Variants in STRN observed in about 807,000 individuals in gnomAD.
STRN encodes striatin, also known as protein phosphatase 2 regulatory subunit B'''alpha.
In STRN, 53 loss-of-function variants were observed where a neutral mutation model predicts 96.3. The observed-to-expected ratio is 0.55, with a 90% CI of 0.44 to 0.69. The LOEUF is 0.69. STRN is among the 30% of genes least tolerant of loss of function. The pLI, the probability that STRN is intolerant of heterozygous loss-of-function variation, is 0.00. For missense variants in STRN, 987 were observed against 963.9 expected (o/e 1.02, Z -0.32); for synonymous variants, 428 against 355.9 (o/e 1.20, Z -2.28).
intron 12 of STRN, among the ~76,000 whole-genome samples, chr2:36,866,480 T>C (rs1668629407): frequency 6.6e-6 from 1 of 152,228 alleles, no homozygotes; most frequent in Admixed American, 6.5e-5. Context: ...TTTTAGAATA[T>C]GTGCCATGTA....
chr2:36,944,117 T>C (rs1045755666), intron 1 of STRN, among the ~76,000 whole-genome samples: 1 of 151,960 alleles, frequency 6.6e-6, no homozygotes, highest in Non-Finnish European at 1.5e-5. Flanking sequence ...TGAAACGCTA[T>C]CTCAAAAAAA....
At chr2:36,877,190 C>T (rs952530727) in intron 10 of STRN, among the ~76,000 whole-genome samples, 3 of 152,214 alleles carry the variant, frequency 2.0e-5, no homozygotes, top group Non-Finnish European at 2.9e-5. Context: ...ATGCCTACTA[C>T]TAATTAAAAT....
At chr2:36,872,699 G>C (rs1668793239) in intron 10 of STRN, among the ~76,000 whole-genome samples, 1 of 152,174 alleles carries the variant, frequency 6.6e-6, no homozygotes, top group Non-Finnish European at 1.5e-5. Flanking sequence ...TATCTGGAGA[G>C]AGGACTAAGT....
intron 13 of STRN, among the ~76,000 whole-genome samples, chr2:36,858,778 C>G (rs961510626): frequency 5.3e-5 from 8 of 152,202 alleles, no homozygotes; most frequent in African/African-American, 1.9e-4. Context: ...TGAAGACACA[C>G]TGTGTGTCAG....
chr2:36,897,163 G>GCCGGGA (rs1669563059), intron 6 of STRN, among the ~76,000 whole-genome samples: 1 of 149,592 alleles, frequency 6.7e-6, no homozygotes, highest in African/African-American at 2.5e-5. Context: ...GTGAAACTCC[G>GCCGGGA]TCTCAAAAAA....
chr2:36,924,264 G>C (rs551917080), intron 2 of STRN, among the ~76,000 whole-genome samples: 1 of 150,946 alleles, frequency 6.6e-6, no homozygotes, highest in Non-Finnish European at 1.5e-5. Flanking sequence ...GCTGAGGCAG[G>C]AGAATGGTGT....
intron 11 of STRN, 122 bp from the exon 12 acceptor site, chr2:36,867,983 G>T: frequency 3.4e-6 from 2 of 589,284 alleles, no homozygotes; most frequent in Non-Finnish European, 2.7e-6. Flanking sequence ...TCAACTACAC[G>T]ATACGTAAGA....
chr2:36,870,316 A>G (rs185875137), intron 10 of STRN, among the ~76,000 whole-genome samples: 131 of 150,532 alleles, frequency 8.7e-4, no homozygotes, highest in African/African-American at 2.9e-3. Context: ...AAAAAGCACT[A>G]TTTTTTCATT....
Position 36,862,797 on chromosome 2 carries a change from C to T in STRN, c.1548-1544G>A, listed in dbSNP as rs551875322. On this transcript the variant is annotated intron_variant, in intron 12 of 17. Coordinates refer to ENST00000263918, the MANE Select transcript of STRN (RefSeq NM_003162.4). Reference sequence around the variant, plus strand: ...TCACCCAGGCTGGAGTGCAGTGGCGCGATCTTGGCTCACTGCAAGCTCTGC... The same window carrying T: ...TCACCCAGGCTGGAGTGCAGTGGCGTGATCTTGGCTCACTGCAAGCTCTGC... Among the ~76,000 whole-genome samples the T allele has an allele frequency of 3.5e-3, 527 of 151,570 alleles. 3 individuals are homozygous for T. Among genetic ancestry groups the T allele is most frequent in the Admixed American group, 6.3e-3 (96 of 15,224 alleles).
At position 36,855,313 on chromosome 2, in the gene STRN, T is replaced by TCACTGCTCACTAGATC; in HGVS notation, c.1861_1876dup (p.Asp626GlyfsTer6). 1 of 1,613,762 alleles carries TCACTGCTCACTAGATC rather than the reference T, an allele frequency of 6.2e-7. No homozygotes were observed. The highest frequency in any genetic ancestry group is 1.3e-5 in the African/African-American group (1 of 75,004). ...GAATGATGCTACCATATGGCTCGGG[T>TCACTGCTCACTAGATC]CACTGCTCACTAGATCCACAGAGGC... On this transcript the variant is annotated stop_gained and frameshift_variant, in exon 15 of 18. Transcript: ENST00000263918. LOFTEE classifies it high-confidence loss of function.
intron 1 of STRN, among the ~76,000 whole-genome samples, chr2:36,928,826 G>A (rs1312510359): frequency 1.3e-5 from 2 of 150,558 alleles, no homozygotes; most frequent in Admixed American, 1.3e-4. Context: ...GCAGGTGCCT[G>A]TAATCCCAGC....
intron 1 of STRN, among the ~76,000 whole-genome samples, chr2:36,935,098 A>C (rs1416454732): frequency 1.3e-5 from 2 of 152,186 alleles, no homozygotes; most frequent in Non-Finnish European, 2.9e-5. Context: ...AACGAAACTC[A>C]TAATTTTATA....
At chr2:36,869,195 T>C (rs918878055) in intron 11 of STRN, among the ~76,000 whole-genome samples, 1 of 152,068 alleles carries the variant, frequency 6.6e-6, no homozygotes, top group Non-Finnish European at 1.5e-5. Context: ...AAGGTGGAGG[T>C]GGACATTTGA....
At chr2:36,858,166 G>T in intron 13 of STRN, 143 bp from the exon 14 acceptor site, 2 of 551,706 alleles carry the variant, frequency 3.6e-6, no homozygotes, top group Non-Finnish European at 2.8e-6. Flanking sequence ...CTTCTGACAG[G>T]CTACAGTAAA....
chr2:36,948,081 CTTTTTTTTTTTTTTTTTTTTTTTTT>C (rs553351693), intron 1 of STRN, among the ~76,000 whole-genome samples: 1 of 68,138 alleles, frequency 1.5e-5, no homozygotes, highest in East Asian at 4.5e-4. Flanking sequence ...TCAGTGCACT[CTTTTTTTTTTTTTTTTTTTTTTTTT>C]TTTTTTTTTT....
At chr2:36,961,721 TA>T (rs1474145375) in intron 1 of STRN, among the ~76,000 whole-genome samples, 2 of 152,160 alleles carry the variant, frequency 1.3e-5, no homozygotes, top group East Asian at 3.9e-4. Flanking sequence ...CTCTTTTGCT[TA>T]AAACATTCCG....
rs1029359647 is a variant in STRN at position 36,838,692 on chromosome 2, C to A, written c.*10764G>T. On this transcript the variant is annotated 3_prime_UTR_variant, in exon 18 of 18. Coordinates refer to ENST00000263918, the MANE Select transcript of STRN (RefSeq NM_003162.4). The stretch of plus-strand genomic sequence containing the variant: ...TTATTTAAAAATTTAAATATACATA[C>A]TCCTCAATGCAGCAATCCTACTCCA... Among the ~76,000 whole-genome samples the A allele has an allele frequency of 6.6e-6, 1 of 152,272 alleles. No homozygotes were observed. Among genetic ancestry groups the A allele is most frequent in the East Asian group, 1.9e-4 (1 of 5,178 alleles).
At position 36,840,571 on chromosome 2, in the gene STRN, T is replaced by C. The variant is rs1457804523; in HGVS notation, c.*8885A>G. 6.6e-5 allele frequency: 10 copies of C among 151,750 alleles called. No homozygotes were observed. Among genetic ancestry groups the C allele is most frequent in the Admixed American group, 6.6e-4 (10 of 15,224 alleles). The allele number at this position is 151,750 out of a possible 1,614,324, so 9.4% of individuals were successfully genotyped here. ...TTTTTTTTTTTGGTCTTTGATGATTTGTATAATTTAGATTTTGAAATGGGC... is the reference window on the plus strand; with the variant it reads ...TTTTTTTTTTTGGTCTTTGATGATTCGTATAATTTAGATTTTGAAATGGGC... On this transcript the variant is annotated 3_prime_UTR_variant, in exon 18 of 18. Transcript: ENST00000263918.
intron 12 of STRN, 139 bp from the exon 13 acceptor site, chr2:36,861,392 C>T: frequency 8.8e-7 from 1 of 1,135,490 alleles, no homozygotes; most frequent in Non-Finnish European, 1.2e-6. Context: ...CAGGTACTAT[C>T]AAAGCACTGT....
Sources: allele counts gnomAD v4.1 joint callset (sites outside exome capture counted in the v4.1 genomes callset), GRCh38; gene constraint gnomAD v4.1.1; transcripts MANE v1.5; gene names NCBI Gene and HGNC (gene_info 2026-07-23, HGNC 2026-07-21).